DNAH11: variants seen among roughly 807,000 people sequenced by gnomAD.
DNAH11 encodes dynein axonemal heavy chain 11.
DNAH11 carries 442 observed loss-of-function variants against 526.0 expected under a neutral mutation model. The observed-to-expected ratio is 0.84, with a 90% CI of 0.78 to 0.91. The LOEUF is 0.91. Among genes scored for constraint, DNAH11 ranks in the 40% least tolerant of loss-of-function variants. The pLI, the probability that DNAH11 is intolerant of heterozygous loss-of-function variation, is 0.00. For missense variants in DNAH11, 6,989 were observed against 5,448.7 expected, an observed-to-expected ratio of 1.28 and a Z score of -8.90; for synonymous variants, 2,461 against 1,935.9, an observed-to-expected ratio of 1.27 and a Z score of -7.12.
At chr7:21,581,100 T>C (rs957979776) in intron 8 of DNAH11, among the ~76,000 whole-genome samples, 1 of 152,236 alleles carries the variant, frequency 6.6e-6, no homozygotes. Context: ...TTGTTATTGT[T>C]AATAGATTGA....
At chr7:21,789,736 G>T (rs914096606) in intron 61 of DNAH11, among the ~76,000 whole-genome samples, 1 of 144,478 alleles carries the variant, frequency 6.9e-6, no homozygotes, top group Admixed American at 6.9e-5. Context: ...TGTGAAACAG[G>T]TATTATAATA....
chr7:21,614,544 T>C (rs1477240187), intron 20 of DNAH11, among the ~76,000 whole-genome samples: 2 of 152,200 alleles, frequency 1.3e-5, no homozygotes, highest in African/African-American at 4.8e-5. Flanking sequence ...TGGTGTAAAA[T>C]GTAAACTATT....
At chr7:21,890,773 T>C (rs1784299964) in intron 76 of DNAH11, among the ~76,000 whole-genome samples, 1 of 152,156 alleles carries the variant, frequency 6.6e-6, no homozygotes, top group Admixed American at 6.5e-5. Flanking sequence ...AAACATGAAA[T>C]GATACAAATG....
intron 25 of DNAH11, among the ~76,000 whole-genome samples, chr7:21,620,962 C>A (rs1400076647): frequency 6.6e-6 from 1 of 152,064 alleles, no homozygotes; most frequent in East Asian, 1.9e-4. Context: ...TCCAGTCTAT[C>A]CTCGTTGGAC....
chr7:21,548,476 A>T (rs1217612146), intron 2 of DNAH11, among the ~76,000 whole-genome samples: 1 of 152,164 alleles, frequency 6.6e-6, no homozygotes, highest in Non-Finnish European at 1.5e-5. Flanking sequence ...GCATCCCCCT[A>T]GGGACACCTA....
chr7:21,831,050 T>C (rs1562571691), intron 65 of DNAH11, among the ~76,000 whole-genome samples: 1 of 152,168 alleles, frequency 6.6e-6, no homozygotes, highest in Non-Finnish European at 1.5e-5. Context: ...CCCACTTGAC[T>C]CTCCGTGTGA....
At chr7:21,834,592 G>A (rs1315362014) in intron 65 of DNAH11, among the ~76,000 whole-genome samples, 1 of 152,116 alleles carries the variant, frequency 6.6e-6, no homozygotes, top group Non-Finnish European at 1.5e-5. Flanking sequence ...CAACACTTTG[G>A]GAGGCCAAGG....
At chr7:21,639,317 A>G (rs922114535) in intron 28 of DNAH11, among the ~76,000 whole-genome samples, 3 of 152,128 alleles carry the variant, frequency 2.0e-5, no homozygotes, top group Non-Finnish European at 4.4e-5. Context: ...AAAGAAGTCG[A>G]TGGAAAGAAA....
At chr7:21,848,304 G>A (rs76109385) in intron 66 of DNAH11, among the ~76,000 whole-genome samples, 5,800 of 150,742 alleles carry the variant, frequency 0.038, 144 homozygotes, top group South Asian at 0.12. Context: ...GCTTTCTTTC[G>A]ATTAGTGTTA....
At chr7:21,871,889 G>T (rs376898646) in intron 73 of DNAH11, among the ~76,000 whole-genome samples, 1 of 151,928 alleles carries the variant, frequency 6.6e-6, no homozygotes. Flanking sequence ...TTGGGAGGCC[G>T]AGGAGGGCAG....
At chr7:21,800,301 A>G (rs1788918425) in intron 61 of DNAH11, among the ~76,000 whole-genome samples, 1 of 152,172 alleles carries the variant, frequency 6.6e-6, no homozygotes, top group African/African-American at 2.4e-5. Flanking sequence ...GCTAAAGACA[A>G]TGGATTATCT....
At chr7:21,785,952 G>C (rs1788157409) in intron 58 of DNAH11, among the ~76,000 whole-genome samples, 1 of 152,192 alleles carries the variant, frequency 6.6e-6, no homozygotes, top group Admixed American at 6.5e-5. Flanking sequence ...TTCAAATCAT[G>C]TATTAAATAT....
Position 21,635,690 on chromosome 7 carries a change from A to T in DNAH11, c.4501-181A>T, listed in dbSNP as rs367950747. On this transcript the variant is annotated intron_variant, in intron 25 of 81. Coordinates refer to ENST00000409508, the MANE Select transcript of DNAH11 (RefSeq NM_001277115.2). ...TTTTTGGAAAAATGTTAATATAAAT[A>T]TTTACTACCATTAATTCACTCATTC... Among the ~76,000 whole-genome samples the T allele has an allele frequency of 6.6e-5, 10 of 152,284 alleles. No individual in the cohort carries two copies. In the South Asian group the frequency reaches 1.7e-3, roughly 25 times the overall value.
chr7:21,753,205 T>C (rs933936817), intron 54 of DNAH11, among the ~76,000 whole-genome samples: 8 of 152,088 alleles, frequency 5.3e-5, no homozygotes, highest in African/African-American at 1.7e-4. Context: ...GTGGGTGCAG[T>C]ATGTTCATGT....
chr7:21,588,881 A>G (rs899188335), intron 11 of DNAH11, among the ~76,000 whole-genome samples: 3 of 151,904 alleles, frequency 2.0e-5, no homozygotes, highest in African/African-American at 7.3e-5. Context: ...CTTTCCACCC[A>G]CCATGTTTGG....
intron 15 of DNAH11, 23 bp downstream of exon 15, chr7:21,600,142 T>C (rs761350199): frequency 3.3e-6 from 5 of 1,511,110 alleles, no homozygotes; most frequent in Non-Finnish European, 4.4e-6. Flanking sequence ...TAAATGGGTA[T>C]TTAGCTTTTA....
intron 75 of DNAH11, among the ~76,000 whole-genome samples, chr7:21,883,696 G>A (rs1409925171): frequency 6.6e-6 from 1 of 152,188 alleles, no homozygotes; most frequent in Non-Finnish European, 1.5e-5. Flanking sequence ...GAATTTGAAT[G>A]TATAAACTTT....
intron 8 of DNAH11, among the ~76,000 whole-genome samples, chr7:21,574,302 C>T (rs1332515667): frequency 6.6e-6 from 1 of 152,166 alleles, no homozygotes. Context: ...CCCTTGGCTC[C>T]ACTTAGTCTC....
At chr7:21,672,758 G>A (rs1361316499) in intron 30 of DNAH11, among the ~76,000 whole-genome samples, 2 of 152,052 alleles carry the variant, frequency 1.3e-5, no homozygotes, top group African/African-American at 2.4e-5. Context: ...TAGTATTTAG[G>A]GACACACTCT....
Sources: gnomAD v4.1 joint callset for allele counts (sites outside exome capture counted in the v4.1 genomes callset) on GRCh38, gnomAD v4.1.1 for gene constraint, MANE v1.5 for transcripts, NCBI Gene and HGNC (gene_info 2026-07-23, HGNC 2026-07-21) for gene names.